The following FIP1L1 variants were observed in gnomAD, a reference collection of about 807,000 sequenced individuals.
FIP1L1 encodes factor interacting with PAPOLA and CPSF1, also known as pre-mRNA 3'-end-processing factor FIP1.
Under a neutral mutation model 84.6 loss-of-function variants are expected in FIP1L1, and 21 were observed. The ratio of observed to expected loss-of-function variants is 0.25; its 90% CI spans 0.18 to 0.36. The LOEUF (loss-of-function observed/expected upper bound fraction) is 0.36. Ranked by LOEUF, FIP1L1 falls within the 10% of genes least tolerant of loss-of-function variation. The probability of loss-of-function intolerance (pLI) is 1.00; values close to 1 mark genes in which losing one functional copy is unlikely to be tolerated. For missense variants in FIP1L1, 526 were observed against 751.1 expected (o/e 0.70, Z 3.50); for synonymous variants, 263 against 242.3 (o/e 1.09, Z -0.80).
intron 15 of FIP1L1, among the ~76,000 whole-genome samples, chr4:53,445,077 G>C (rs998461865): frequency 6.6e-6 from 1 of 152,164 alleles, no homozygotes; most frequent in Non-Finnish European, 1.5e-5. Context: ...GAACATGGTA[G>C]GTATTAGGAG....
chr4:53,377,720 GC>G lies in FIP1L1; in HGVS notation c.-118del. 1.1e-6 allele frequency: 1 copy of G among 925,238 alleles called. No homozygotes were observed. The highest frequency in any genetic ancestry group is 1.6e-6 in the Non-Finnish European group (1 of 642,794). The allele number at this position is 925,238 out of a possible 1,614,324, so 57.3% of individuals were successfully genotyped here. On this transcript the variant is annotated 5_prime_UTR_variant, in exon 1 of 18. It introduces an in-frame stop codon into an upstream open reading frame of the 5' UTR. Coordinates refer to ENST00000337488, the MANE Select transcript of FIP1L1 (RefSeq NM_030917.4). ...CGCCTTCCTGGGATTGGAGTCTCGA[GC>G]TTTCTTCGTTCGTTCGTCGGCGGGT...
In FIP1L1 at chr4:53,442,740, T is replaced by C. The variant is rs143615250; in HGVS notation, c.1229+33T>C. ...AGTATGGATACTGATTTTTGATCAT[T>C]GATAGCCTTTTGACAGAAGAACCAT... On this transcript the variant is annotated intron_variant, in intron 14 of 17. Coordinates refer to ENST00000337488, the MANE Select transcript of FIP1L1 (RefSeq NM_030917.4). The C allele has an allele frequency of 1.1e-4, 146 of 1,289,346 alleles. No individual in the cohort carries two copies. In the African/African-American group the frequency reaches 1.9e-3, roughly 17 times the overall value. 79.9% of individuals were successfully genotyped at this position (1,289,346 alleles called of 1,614,324 possible). A position where few individuals can be genotyped will look rare whatever the true frequency, so the allele number is the denominator to read the frequency against.
Position 53,459,853 on chromosome 4 carries a change from G to A in FIP1L1, c.*404G>A, listed in dbSNP as rs1721478171. 1 of 247,120 alleles carries A rather than the reference G, an allele frequency of 4.0e-6. No individual in the cohort carries two copies. The highest frequency in any genetic ancestry group is 7.9e-6 in the Non-Finnish European group (1 of 127,044). 15.3% of individuals were successfully genotyped at this position (247,120 alleles called of 1,614,324 possible). On this transcript the variant is annotated 3_prime_UTR_variant, in exon 18 of 18. Coordinates refer to ENST00000337488, the MANE Select transcript of FIP1L1 (RefSeq NM_030917.4). ...AAAGGCAACAAAGGGCCCCTCTAAG[G>A]CTTGAGATTAAAACTAGTCTTTATC...
At chr4:53,459,273 A>G (rs1579307906) in intron 17 of FIP1L1, 29 bp from the exon 18 acceptor site, 3 of 1,208,888 alleles carry the variant, frequency 2.5e-6, no homozygotes, top group African/African-American at 1.7e-5. Flanking sequence ...TAAACAGAAC[A>G]CACCTTTTTT....
At chr4:53,383,184 A>G (rs1464829170) in intron 4 of FIP1L1, among the ~76,000 whole-genome samples, 1 of 151,778 alleles carries the variant, frequency 6.6e-6, no homozygotes, top group Non-Finnish European at 1.5e-5. Context: ...ATCTTTTTGC[A>G]AGAGGGGCAG....
rs572623122 is a variant in FIP1L1 at position 53,429,193 on chromosome 4, C to G, written c.1174+1010C>G. ...TGATTTCCTTCCACTGTCACCTCTACTCTCAAAAAGTATGAGAAAAATATG... is the reference window on the plus strand; with the variant it reads ...TGATTTCCTTCCACTGTCACCTCTAGTCTCAAAAAGTATGAGAAAAATATG... On this transcript the variant is annotated intron_variant, in intron 13 of 17. Transcript: ENST00000337488. 2.0e-5 allele frequency among the ~76,000 whole-genome samples: 3 copies of G among 152,308 alleles called. No individual in the cohort carries two copies. The South Asian group carries it at 6.2e-4, about 32-fold the overall frequency.
chr4:53,436,573 A>G (rs1769297357), intron 13 of FIP1L1, among the ~76,000 whole-genome samples: 1 of 152,174 alleles, frequency 6.6e-6, no homozygotes, highest in Non-Finnish European at 1.5e-5. Context: ...AATAAGTCAC[A>G]ATGTCCAGCC....
At chr4:53,397,204 T>C (rs1360489753) in intron 9 of FIP1L1, among the ~76,000 whole-genome samples, 1 of 152,206 alleles carries the variant, frequency 6.6e-6, no homozygotes, top group African/African-American at 2.4e-5. Flanking sequence ...TAATACATCA[T>C]CCCAGATGCT....
chr4:53,395,633 A>G (rs1298429406), intron 9 of FIP1L1, among the ~76,000 whole-genome samples: 1 of 152,204 alleles, frequency 6.6e-6, no homozygotes, highest in Admixed American at 6.5e-5. Context: ...GTGACATTTA[A>G]GTTGATTCCC....
chr4:53,421,480 C>T (rs1762407720), intron 11 of FIP1L1, among the ~76,000 whole-genome samples: 1 of 152,168 alleles, frequency 6.6e-6, no homozygotes, highest in Non-Finnish European at 1.5e-5. Context: ...AGGCTCATCT[C>T]TTTCCTAACG....
chr4:53,405,804 CTGTT>C (rs1372562214), intron 10 of FIP1L1, among the ~76,000 whole-genome samples: 4 of 141,634 alleles, frequency 2.8e-5, no homozygotes, highest in East Asian at 2.0e-4. Context: ...ATTTGGCTCT[CTGTT>C]TGTCTGTTAT....
intron 13 of FIP1L1, among the ~76,000 whole-genome samples, chr4:53,434,759 C>T (rs749286022): frequency 2.3e-4 from 35 of 152,160 alleles, no homozygotes; most frequent in Non-Finnish European, 4.3e-4. Flanking sequence ...TGAGCCGCTG[C>T]GCCTGGCCAC....
chr4:53,422,698 A>AT (rs1263571588), intron 11 of FIP1L1, among the ~76,000 whole-genome samples: 1 of 150,704 alleles, frequency 6.6e-6, no homozygotes, highest in Non-Finnish European at 1.5e-5. Context: ...AGCAGCTGAG[A>AT]TATATATATA....
chr4:53,437,288 C>T (rs1311802492), intron 13 of FIP1L1, among the ~76,000 whole-genome samples: 1 of 127,906 alleles, frequency 7.8e-6, no homozygotes. Context: ...GTGGTCATGC[C>T]ACTCACCCTA....
At chr4:53,443,882 T>G (rs1773057859) in intron 14 of FIP1L1, among the ~76,000 whole-genome samples, 166 bp from the exon 15 acceptor site, 1 of 151,958 alleles carries the variant, frequency 6.6e-6, no homozygotes, top group African/African-American at 2.4e-5. Flanking sequence ...TTTTTTAGGT[T>G]AAAAAAAACC....
rs572704349 is a variant in FIP1L1 at position 53,399,822 on chromosome 4, T to A, written c.798T>A (p.Thr266=). ...EFTSPPSLFK[T]GLPPSRNSTS... is the part of the protein sequence containing the mutation. ...CTTCTCCTCCTTCTTTGTTCAAGAC[T>A]GGGCTTCCACCGAGCAGGTTAGTTA... The change falls in exon 10 of 18, where the codon ACT becomes ACA. Residue 266 remains threonine, a synonymous_variant. Coordinates refer to ENST00000337488, the MANE Select transcript of FIP1L1 (RefSeq NM_030917.4). 2.5e-6 allele frequency: 4 copies of A among 1,612,378 alleles called. No homozygotes were observed. In the Admixed American group the frequency reaches 6.7e-5, roughly 27 times the overall value.
Position 53,414,711 on chromosome 4 carries a change from A to C in FIP1L1, c.912A>C (p.Ser304=). The C allele has an allele frequency of 6.2e-7, 1 of 1,610,794 alleles. No individual in the cohort carries two copies. The highest frequency in any genetic ancestry group is 2.2e-5 in the East Asian group (1 of 44,830). Reference sequence around the variant, plus strand: ...AGGATCGATATGGGAGGGCCGAATCACCTGATCTAAGGTAAGGCTATTTTT... The same window carrying C: ...AGGATCGATATGGGAGGGCCGAATCCCCTGATCTAAGGTAAGGCTATTTTT... The part of the protein sequence containing the change: ...KWQDRYGRAE[S]PDLRRLPGAI... Residue 304 remains serine (S), a synonymous_variant, in exon 11 of 18, where the codon TCA becomes TCC. Coordinates refer to ENST00000337488, the MANE Select transcript of FIP1L1 (RefSeq NM_030917.4).
At chr4:53,457,749 T>G (rs1207091920) in intron 16 of FIP1L1, among the ~76,000 whole-genome samples, 1 of 152,068 alleles carries the variant, frequency 6.6e-6, no homozygotes, top group Non-Finnish European at 1.5e-5. Context: ...TGATGTTAAG[T>G]TGTAGAAAGT....
chr4:53,422,802 T>A (rs939825592), intron 11 of FIP1L1, among the ~76,000 whole-genome samples: 7 of 151,948 alleles, frequency 4.6e-5, no homozygotes, highest in African/African-American at 1.7e-4. Flanking sequence ...GCATCCTTCA[T>A]CTCCTGGACT....
Sources: gnomAD v4.1 joint callset for allele counts (sites outside exome capture counted in the v4.1 genomes callset) on GRCh38, gnomAD v4.1.1 for gene constraint, MANE v1.5 for transcripts, NCBI Gene and HGNC (gene_info 2026-07-23, HGNC 2026-07-21) for gene names.